ARIH1: variants seen among roughly 807,000 people sequenced by gnomAD.
ARIH1 encodes the protein E3 ubiquitin-protein ligase ARIH1.
ARIH1 carries 8 observed loss-of-function variants against 85.0 expected under a neutral mutation model. The ratio of observed to expected loss-of-function variants is 0.09; its 90% confidence interval spans 0.06 to 0.17. The LOEUF (loss-of-function observed/expected upper bound fraction) is 0.17. Ranked by LOEUF, ARIH1 falls within the 10% of genes least tolerant of loss-of-function variation. The pLI is 1.00. For synonymous variants in ARIH1, 238 were observed against 253.6 expected, an observed-to-expected ratio of 0.94 and a Z score of 0.59; for missense variants, 311 against 718.1, an observed-to-expected ratio of 0.43 and a Z score of 6.48.
At chr15:72,520,120 TA>T (rs1476194451) in intron 2 of ARIH1, among the ~76,000 whole-genome samples, 2 of 152,120 alleles carry the variant, frequency 1.3e-5, no homozygotes, top group Non-Finnish European at 2.9e-5. Flanking sequence ...TTAAACTGTC[TA>T]AAAAAATAGG....
intron 2 of ARIH1, among the ~76,000 whole-genome samples, chr15:72,533,874 T>G (rs117467892): frequency 0.03 from 4,638 of 152,192 alleles, 112 homozygotes; most frequent in East Asian, 0.11. Flanking sequence ...GCCACTGCAC[T>G]ACAACCTGGG....
rs1436377199 is a variant in ARIH1 at position 72,594,023 on chromosome 15, TAA to T, written c.*10732_*10733del. Reference sequence around the variant, plus strand: ...TGAGTCAGCTAATTCATGAACATATTAAGTCTTGTCATTTATTTAGGTATTAA... The same window carrying T: ...TGAGTCAGCTAATTCATGAACATATTGTCTTGTCATTTATTTAGGTATTAA... On this transcript the variant is annotated 3_prime_UTR_variant, in exon 14 of 14. Coordinates refer to ENST00000379887, the MANE Select transcript of ARIH1 (RefSeq NM_005744.5). 6.6e-6 allele frequency: 1 copy of T among 152,116 alleles called. No homozygotes were observed. The highest frequency in any genetic ancestry group is 1.5e-5 in the Non-Finnish European group (1 of 68,008). The allele number at this position is 152,116 out of a possible 1,614,324, so 9.4% of individuals were successfully genotyped here. A position where few individuals can be genotyped will look rare whatever the true frequency, so the allele number is the denominator to read the frequency against.
intron 9 of ARIH1, among the ~76,000 whole-genome samples, chr15:72,569,178 A>G (rs1194722077): frequency 2.0e-5 from 3 of 152,124 alleles, no homozygotes; most frequent in African/African-American, 4.8e-5. Flanking sequence ...GCATGGTGGC[A>G]TGCACCTGTA....
Position 72,486,694 on chromosome 15 carries a change from C to CTTTTTTTTTTTTTTTTT in ARIH1, c.375+11685_375+11701dup. ...TTTTTTTTTTCATTTTTAAAAATGA[C>CTTTTTTTTTTTTTTTTT]TTTTTTTTTTTTTTTTTTTTTGAGA... On this transcript the variant is annotated intron_variant, in intron 1 of 13. Transcript: ENST00000379887. Among the ~76,000 whole-genome samples, 2 of 92,850 alleles carry CTTTTTTTTTTTTTTTTT rather than the reference C, an allele frequency of 2.2e-5. 1 individual carries two copies. The highest frequency in any genetic ancestry group is 3.8e-5 in the Non-Finnish European group (2 of 52,760). 60.9% of individuals were successfully genotyped at this position (92,850 alleles called of 152,430 possible). A position where few individuals can be genotyped will look rare whatever the true frequency, so the allele number is the denominator to read the frequency against.
intron 11 of ARIH1, among the ~76,000 whole-genome samples, chr15:72,580,165 A>G (rs895898209): frequency 6.6e-6 from 1 of 152,142 alleles, no homozygotes; most frequent in Non-Finnish European, 1.5e-5. Context: ...TTTAGTTTCT[A>G]CATATAAGCG....
intron 2 of ARIH1, among the ~76,000 whole-genome samples, chr15:72,519,121 T>TA (rs1454755650): frequency 6.6e-6 from 1 of 152,182 alleles, no homozygotes; most frequent in East Asian, 1.9e-4. Context: ...GTTGACAACT[T>TA]ATGTTTATTT....
intron 1 of ARIH1, among the ~76,000 whole-genome samples, chr15:72,489,497 TA>T (rs532393448): frequency 6.6e-6 from 1 of 151,994 alleles, no homozygotes; most frequent in South Asian, 2.1e-4. Context: ...ACACTCAGAG[TA>T]AAAAAATACG....
Position 72,555,874 on chromosome 15 carries a change from G to T in ARIH1, c.704G>T (p.Gly235Val). 6.2e-7 allele frequency: 1 copy of T among 1,613,168 alleles called. No homozygotes were observed. Among genetic ancestry groups the T allele is most frequent in the Admixed American group, 1.7e-5 (1 of 59,962 alleles). Residue 235 changes from glycine (G) to valine (V), a missense_variant, in exon 5 of 14, where the codon GGT becomes GTT. Physicochemically the swap from Gly to Val is moderately radical, Grantham distance 109. Coordinates refer to ENST00000379887, the MANE Select transcript of ARIH1 (RefSeq NM_005744.5). ...CAGACTATTTCGTGTCCTGCTCATG[G>T]TTGTGATATCTTAGTGGATGACAAC... ...MGQTISCPAH[G>V]CDILVDDNTV...
intron 2 of ARIH1, among the ~76,000 whole-genome samples, chr15:72,524,199 G>A (rs914766601): frequency 2.0e-5 from 3 of 150,754 alleles, no homozygotes; most frequent in Non-Finnish European, 4.4e-5. Context: ...CGCCCACCTC[G>A]GCCTCCCAAA....
intron 7 of ARIH1, 140 bp from the exon 8 acceptor site, chr15:72,566,423 A>G: frequency 1.4e-6 from 1 of 722,142 alleles, no homozygotes; most frequent in Non-Finnish European, 2.5e-6. Flanking sequence ...TAAAGCAGAC[A>G]TGGGTTCTCT....
intron 11 of ARIH1, among the ~76,000 whole-genome samples, chr15:72,575,417 T>C (rs191658979): frequency 2.0e-5 from 3 of 151,258 alleles, no homozygotes; most frequent in African/African-American, 7.3e-5. Context: ...CTACAAAAAA[T>C]TTATTAAAAA....
intron 1 of ARIH1, among the ~76,000 whole-genome samples, chr15:72,477,020 A>G (rs1349791833): frequency 1.3e-5 from 2 of 152,212 alleles, no homozygotes; most frequent in South Asian, 2.1e-4. Context: ...CTCATAGGTC[A>G]GTCTTTGAGT....
chr15:72,537,432 G>A (rs868649278), intron 2 of ARIH1, among the ~76,000 whole-genome samples: 2 of 152,018 alleles, frequency 1.3e-5, no homozygotes, highest in Non-Finnish European at 2.9e-5. Context: ...GAAAAATAGT[G>A]CTCCAAACCC....
At chr15:72,518,665 G>T (rs2063985630) in intron 2 of ARIH1, among the ~76,000 whole-genome samples, 1 of 152,018 alleles carries the variant, frequency 6.6e-6, no homozygotes, top group Non-Finnish European at 1.5e-5. Flanking sequence ...GCGTATGCCT[G>T]TAGTTCCAGC....
chr15:72,522,590 AAAAAT>A (rs138014640), intron 2 of ARIH1, among the ~76,000 whole-genome samples: 4,433 of 152,254 alleles, frequency 0.029, 106 homozygotes, highest in East Asian at 0.11. Context: ...AGGAAGTTAG[AAAAAT>A]AAAATAAACC....
At chr15:72,556,008 C>A in intron 5 of ARIH1, 101 bp downstream of exon 5, 1 of 1,036,582 alleles carries the variant, frequency 9.6e-7, no homozygotes, top group Non-Finnish European at 1.4e-6. Flanking sequence ...TTTTTAAAGT[C>A]TGAAGAAACT....
chr15:72,478,665 C>T (rs1049509269), intron 1 of ARIH1, among the ~76,000 whole-genome samples: 4 of 152,124 alleles, frequency 2.6e-5, no homozygotes, highest in Admixed American at 6.5e-5. Flanking sequence ...GAGATTCTTA[C>T]TCATTAATGA....
intron 2 of ARIH1, among the ~76,000 whole-genome samples, chr15:72,536,396 C>CT (rs537336590): frequency 6.6e-6 from 1 of 151,956 alleles, no homozygotes; most frequent in East Asian, 1.9e-4. Flanking sequence ...TGCACATAGC[C>CT]TTTTTTTTCT....
chr15:72,556,459 C>G (rs1269087262), intron 5 of ARIH1, among the ~76,000 whole-genome samples: 1 of 152,236 alleles, frequency 6.6e-6, no homozygotes, highest in Non-Finnish European at 1.5e-5. Flanking sequence ...CAGTTGTTGG[C>G]TGGGACTACC....
Sources: gnomAD v4.1 joint callset for allele counts (sites outside exome capture counted in the v4.1 genomes callset) on GRCh38, gnomAD v4.1.1 for gene constraint, MANE v1.5 for transcripts, NCBI Gene and HGNC (gene_info 2026-07-23, HGNC 2026-07-21) for gene names.